The following ABCF2 variants were observed in gnomAD, a reference collection of about 807,000 sequenced individuals.
ABCF2 encodes the protein ATP-binding cassette sub-family F member 2.
A neutral mutation model predicts 76.9 loss-of-function variants in ABCF2; 37 were observed. The observed-to-expected ratio is 0.48, with a 90% CI of 0.37 to 0.63. The LOEUF (loss-of-function observed/expected upper bound fraction) is 0.63, where lower values mean the gene tolerates loss of function less well. Among genes scored for constraint, ABCF2 ranks in the 30% least tolerant of loss-of-function variants. ABCF2 has a pLI of 0.00. For synonymous variants in ABCF2, 299 were observed against 283.7 expected (o/e 1.05, Z -0.54); for missense variants, 524 against 782.1 (o/e 0.67, Z 3.94).
At chr7:151,225,014 A>C in intron 2 of ABCF2, 26 bp from the exon 3 acceptor site, 1 of 1,604,112 alleles carries the variant, frequency 6.2e-7, no homozygotes, top group Non-Finnish European at 8.5e-7. Context: ...CAGTTTGGGA[A>C]GATGGCGTGA....
At chr7:151,226,525 C>A in intron 1 of ABCF2, 25 bp from the exon 2 acceptor site, 1 of 1,535,788 alleles carries the variant, frequency 6.5e-7, no homozygotes, top group Non-Finnish European at 8.8e-7. Context: ...ACAGATACCC[C>A]CAAACCCTAA....
In ABCF2 at chr7:151,222,509, C is replaced by G; in HGVS notation, c.818+12G>C. The G allele has an allele frequency of 6.2e-7, 1 of 1,611,042 alleles. No homozygotes were observed. The highest frequency in any genetic ancestry group is 8.5e-7 in the Non-Finnish European group (1 of 1,177,464). ...GACCTGCCCGCTCACATCCCCCATTCCACCCTCTTACGTTTTTAGTTCTTC... is the reference window on the plus strand; with the variant it reads ...GACCTGCCCGCTCACATCCCCCATTGCACCCTCTTACGTTTTTAGTTCTTC... On this transcript the variant is annotated intron_variant, in intron 6 of 14. Transcript: ENST00000287844.
chr7:151,212,303 CAG>C lies in ABCF2; in HGVS notation c.*1749_*1750del, dbSNP rs1467783446. 1.8e-3 allele frequency: 1,791 copies of C among 985,412 alleles called. 20 individuals are homozygous for C. In the African/African-American group the frequency reaches 0.029, roughly 16 times the overall value. The allele number at this position is 985,412 out of a possible 1,614,324, so 61.0% of individuals were successfully genotyped here. A position where few individuals can be genotyped will look rare whatever the true frequency, so the allele number is the denominator to read the frequency against. ...GTTCAAAAGACCCAGATAAGGTATG[CAG>C]AGCCCTGGGCTGGAAGTGAATTCAA... is the stretch of plus-strand genomic sequence containing the variant. On this transcript the variant is annotated 3_prime_UTR_variant, in exon 15 of 15. Coordinates refer to ENST00000287844, the MANE Select transcript of ABCF2 (RefSeq NM_007189.3).
Position 151,214,348 on chromosome 7 carries a change from C to A in ABCF2, c.1735-157G>T, listed in dbSNP as rs1159324985. On this transcript the variant is annotated intron_variant, in intron 14 of 14. Transcript: ENST00000287844. This position sits in a 1 kb window ranked among gnomAD's most constrained non-coding sequence, Gnocchi z 4.9. ...TTCTAAGTTATTTGGGATGTTCTAA[C>A]CCAAGGGTACCATCATCAGGTTTGG... is the stretch of plus-strand genomic sequence containing the variant. 6.6e-6 allele frequency among the ~76,000 whole-genome samples: 1 copy of A among 152,170 alleles called. No homozygotes were observed. Among genetic ancestry groups the A allele is most frequent in the East Asian group, 1.9e-4 (1 of 5,190 alleles).
chr7:151,217,600 A>G (rs1802176481), intron 11 of ABCF2, among the ~76,000 whole-genome samples: 1 of 152,124 alleles, frequency 6.6e-6, no homozygotes, highest in Non-Finnish European at 1.5e-5. Flanking sequence ...GGAGTTCAAG[A>G]CCAGCCTAAT....
At chr7:151,217,527 G>A (rs1457204527) in intron 11 of ABCF2, among the ~76,000 whole-genome samples, 1 of 152,170 alleles carries the variant, frequency 6.6e-6, no homozygotes, top group Non-Finnish European at 1.5e-5. Flanking sequence ...TGGGCCAGAC[G>A]CGGTGGCTCA....
rs1802106571 is a variant in ABCF2, at chr7:151,214,277, G to A, written c.1735-86C>T. ...GACTGTCCTGAGGGGCGTCTAGGAA[G>A]AAAACTCCGCCCCCCAAACCCATAT... is the stretch of plus-strand genomic sequence containing the variant. On this transcript the variant is annotated intron_variant, in intron 14 of 14. Transcript: ENST00000287844. The surrounding 1 kb of genome is among the most constrained non-coding windows in gnomAD (Gnocchi z 4.9). 6.3e-7 allele frequency: 1 copy of A among 1,594,236 alleles called. No homozygotes were observed. The highest frequency in any genetic ancestry group is 1.1e-5 in the South Asian group (1 of 89,590).
At position 151,222,643 on chromosome 7, in the gene ABCF2, C is replaced by T. The variant is rs375201136; in HGVS notation, c.723-27G>A. On this transcript the variant is annotated intron_variant, in intron 5 of 14. Coordinates refer to ENST00000287844, the MANE Select transcript of ABCF2 (RefSeq NM_007189.3). ...TGAAGGACGGTAAAGGAGACAGAAGCACCTCAGAATTATAATGGATGTGAC... is the reference window on the plus strand; with the variant it reads ...TGAAGGACGGTAAAGGAGACAGAAGTACCTCAGAATTATAATGGATGTGAC... 7.8e-5 allele frequency: 123 copies of T among 1,586,800 alleles called. No individual in the cohort carries two copies. The Middle Eastern group carries it at 1.0e-3, about 13-fold the overall frequency.
At position 151,214,783 on chromosome 7, in the gene ABCF2, C is replaced by T. The variant is rs1056354274; in HGVS notation, c.1734+96G>A. The T allele has an allele frequency of 3.4e-6, 4 of 1,191,918 alleles. No homozygotes were observed. The highest frequency in any genetic ancestry group is 1.3e-5 in the South Asian group (1 of 75,748). 73.8% of individuals were successfully genotyped at this position (1,191,918 alleles called of 1,614,324 possible). On this transcript the variant is annotated intron_variant, in intron 14 of 14. Transcript: ENST00000287844. This position sits in a 1 kb window ranked among gnomAD's most constrained non-coding sequence, Gnocchi z 4.9. ...ACACTCTGAGCCCCTTCTCTTAATT[C>T]AGTAGGCGGGTATTATGCACCCTCC...
intron 11 of ABCF2, among the ~76,000 whole-genome samples, chr7:151,216,725 G>C (rs1802159345): frequency 6.6e-6 from 1 of 152,088 alleles, no homozygotes; most frequent in Non-Finnish European, 1.5e-5. Context: ...ATGTGGCCAG[G>C]CTGGTCTCAC....
chr7:151,223,082 G>A (rs559299184), intron 5 of ABCF2, among the ~76,000 whole-genome samples: 16 of 152,280 alleles, frequency 1.1e-4, no homozygotes, highest in Non-Finnish European at 2.2e-4. Flanking sequence ...TGGGTGAACC[G>A]GAGGCAGCTA....
chr7:151,221,548 G>T, intron 7 of ABCF2, 30 bp downstream of exon 7: 6 of 1,291,894 alleles, frequency 4.6e-6, no homozygotes, highest in South Asian at 1.2e-5. Flanking sequence ...TATGCACAGA[G>T]ATTACCAGAA....
chr7:151,212,173 G>C lies in ABCF2; in HGVS notation c.*1881C>G. ...CCCGCCAGTCCTGGCTGTATTATGA[G>C]TACTGAAAAATCATGGCTGTGTCTT... On this transcript the variant is annotated 3_prime_UTR_variant, in exon 15 of 15. Transcript: ENST00000287844. 2.0e-6 allele frequency: 2 copies of C among 985,422 alleles called. No individual in the cohort carries two copies. The highest frequency in any genetic ancestry group is 2.4e-6 in the Non-Finnish European group (2 of 829,922). 61.0% of individuals were successfully genotyped at this position (985,422 alleles called of 1,614,324 possible).
At position 151,214,059 on chromosome 7, in the gene ABCF2, CGTT is replaced by C; in HGVS notation, c.1864_1866del (p.Asn622del). On this transcript the variant is annotated inframe_deletion, in exon 15 of 15. Coordinates refer to ENST00000287844, the MANE Select transcript of ABCF2 (RefSeq NM_007189.3). This position sits in a 1 kb window ranked among gnomAD's most constrained non-coding sequence, Gnocchi z 4.9. Reference sequence around the variant, plus strand: ...CCCGAACCCAGGTAGAGGGCTCACACGTTGTGGGTCCTCTTGGTGAGCTGGGGC... The same window carrying C: ...CCCGAACCCAGGTAGAGGGCTCACACGTGGGTCCTCTTGGTGAGCTGGGGC... 5 of 1,613,794 alleles carry C rather than the reference CGTT, an allele frequency of 3.1e-6. No individual in the cohort carries two copies. The highest frequency in any genetic ancestry group is 4.2e-6 in the Non-Finnish European group (5 of 1,179,952).
Position 151,215,306 on chromosome 7 carries a change from T to A in ABCF2, c.1531-224A>T, listed in dbSNP as rs566665348. On this transcript the variant is annotated intron_variant, in intron 13 of 14. Transcript: ENST00000287844. This position sits in a 1 kb window ranked among gnomAD's most constrained non-coding sequence, Gnocchi z 4.6. The stretch of plus-strand genomic sequence containing the variant: ...ACCTCTCGCTCTCTTGGCAATGAAT[T>A]GGATCCTTCCAGATCTGAATCCAGA... Among the ~76,000 whole-genome samples the A allele has an allele frequency of 2.0e-5, 3 of 152,336 alleles. No individual in the cohort carries two copies. In the South Asian group the frequency reaches 6.2e-4, roughly 32 times the overall value.
At chr7:151,220,647 G>C (rs1052071998) in intron 7 of ABCF2, among the ~76,000 whole-genome samples, 1 of 152,120 alleles carries the variant, frequency 6.6e-6, no homozygotes. Context: ...TGGGAGGTGG[G>C]GTAAATGTGT....
At chr7:151,219,782 G>C (rs1460418795) in intron 7 of ABCF2, among the ~76,000 whole-genome samples, 1 of 152,208 alleles carries the variant, frequency 6.6e-6, no homozygotes, top group Non-Finnish European at 1.5e-5. Context: ...ATTTAAAAAA[G>C]CAACCTACAG....
At position 151,213,907 on chromosome 7, in the gene ABCF2, G is replaced by A. The variant is rs148624345; in HGVS notation, c.*147C>T. ...GCTGTAGGTAAGAGAGTGCAGCTAA[G>A]GCAGGTTGAGGGGCAGGGGAGAGGC... On this transcript the variant is annotated 3_prime_UTR_variant, in exon 15 of 15. Coordinates refer to ENST00000287844, the MANE Select transcript of ABCF2 (RefSeq NM_007189.3). The A allele has an allele frequency of 5.6e-3, 8,173 of 1,466,910 alleles. 37 individuals are homozygous for A. The highest frequency in any genetic ancestry group is 6.2e-3 in the Non-Finnish European group (6,980 of 1,117,892). 90.9% of individuals were successfully genotyped at this position (1,466,910 alleles called of 1,614,324 possible).
rs199792006 is a variant in ABCF2, at chr7:151,224,145, C to A, written c.368-31G>T. ...AGGGGAGAGCAGCAGACGCTTGGTA[C>A]AGTGAACTCCCCTATCCCTCTTCAC... On this transcript the variant is annotated intron_variant, in intron 3 of 14. Coordinates refer to ENST00000287844, the MANE Select transcript of ABCF2 (RefSeq NM_007189.3). 274 of 1,609,892 alleles carry A rather than the reference C, an allele frequency of 1.7e-4. No individual in the cohort carries two copies. The East Asian group carries it at 6.1e-3, about 36-fold the overall frequency.
Sources: gnomAD v4.1 joint callset for allele counts (sites outside exome capture counted in the v4.1 genomes callset) on GRCh38, gnomAD v4.1.1 for gene constraint, Gnocchi (gnomAD v3.1) non-coding constraint, MANE v1.5 for transcripts, NCBI Gene and HGNC (gene_info 2026-07-23, HGNC 2026-07-21) for gene names.